Variants in ZNF385B observed in about 807,000 individuals in gnomAD.
ZNF385B encodes zinc finger protein 533.
Under a neutral mutation model 39.2 loss-of-function variants are expected in ZNF385B, and 23 were observed. The observed-to-expected ratio is 0.59, with a 90% CI of 0.42 to 0.83. ZNF385B has a LOEUF of 0.83. Ranked by LOEUF, ZNF385B falls within the 40% of genes least tolerant of loss-of-function variation. The probability of loss-of-function intolerance (pLI) is 0.00; values close to 1 mark genes in which losing one functional copy is unlikely to be tolerated. For synonymous variants in ZNF385B, 205 were observed against 222.6 expected (o/e 0.92, Z 0.70); for missense variants, 552 against 598.9 (o/e 0.92, Z 0.82).
At position 179,782,044 on chromosome 2, in the gene ZNF385B, C is replaced by T. The variant is rs1039888742; in HGVS notation, c.-154-11372G>A. 2.0e-5 allele frequency among the ~76,000 whole-genome samples: 3 copies of T among 152,022 alleles called. No homozygotes were observed. In the East Asian group the frequency reaches 5.8e-4, roughly 29 times the overall value. ...GCACATACACAGAAAAGGAAACTTT[C>T]AGGACAATATCCTTGGTGAACATTG... On this transcript the variant is annotated intron_variant, in intron 1 of 9. Transcript: ENST00000410066.
intron 4 of ZNF385B, among the ~76,000 whole-genome samples, chr2:179,527,984 A>AT (rs140230638): frequency 0.21 from 32,620 of 151,948 alleles, 4,053 homozygotes; most frequent in East Asian, 0.38. Flanking sequence ...ATATTTTACC[A>AT]GGAAAATTTT....
intron 6 of ZNF385B, among the ~76,000 whole-genome samples, chr2:179,455,292 C>T (rs762853434): frequency 7.2e-5 from 11 of 151,942 alleles, no homozygotes; most frequent in South Asian, 2.1e-4. Flanking sequence ...GTGTCCCCAC[C>T]GAGATCTCAT....
intron 3 of ZNF385B, among the ~76,000 whole-genome samples, chr2:179,750,510 C>A (rs1702609508): frequency 6.6e-6 from 1 of 152,088 alleles, no homozygotes; most frequent in Non-Finnish European, 1.5e-5. Context: ...AAGTGAGAGA[C>A]AATTCCTGAG....
intron 3 of ZNF385B, among the ~76,000 whole-genome samples, chr2:179,652,373 T>C (rs927868155): frequency 6.6e-6 from 1 of 152,194 alleles, no homozygotes; most frequent in African/African-American, 2.4e-5. Context: ...GTTAACACTG[T>C]GACTGAATTG....
At chr2:179,584,025 T>G in intron 3 of ZNF385B, 1 of 1,026,310 alleles carries the variant, frequency 9.7e-7, no homozygotes, top group South Asian at 1.3e-5. Flanking sequence ...GTACACATTG[T>G]TGAAGAAGAC....
chr2:179,767,090 G>A (rs1303698906), intron 3 of ZNF385B, among the ~76,000 whole-genome samples: 1 of 152,218 alleles, frequency 6.6e-6, no homozygotes, highest in East Asian at 1.9e-4. Context: ...CTAACACAGT[G>A]TGGAAGAAAG....
chr2:179,806,250 T>A (rs1392921476), intron 1 of ZNF385B, among the ~76,000 whole-genome samples: 1 of 152,188 alleles, frequency 6.6e-6, no homozygotes, highest in Non-Finnish European at 1.5e-5. Flanking sequence ...ATGTACAAGA[T>A]GATAAACAAG....
chr2:179,819,034 T>TACAC lies in ZNF385B; in HGVS notation c.-155+42063_-155+42066dup, dbSNP rs10556902. The stretch of plus-strand genomic sequence containing the variant: ...GTATAAATATGTGCATGTTTATAAA[T>TACAC]ACACACACACACACACACACACACA... On this transcript the variant is annotated intron_variant, in intron 1 of 9. Transcript: ENST00000410066. Among the ~76,000 whole-genome samples the TACAC allele has an allele frequency of 7.8e-3, 1,153 of 148,172 alleles. 5 individuals carry two copies. Among genetic ancestry groups the TACAC allele is most frequent in the African/African-American group, 0.014 (572 of 40,078 alleles).
At chr2:179,727,781 A>C (rs2106419551) in intron 3 of ZNF385B, among the ~76,000 whole-genome samples, 1 of 152,222 alleles carries the variant, frequency 6.6e-6, no homozygotes, top group Middle Eastern at 3.4e-3. Context: ...AGTGCATCAA[A>C]AGATACCATA....
In ZNF385B at chr2:179,702,273, T is replaced by A. The variant is rs550437420; in HGVS notation, c.298+67230A>T. Among the ~76,000 whole-genome samples, 7 of 152,338 alleles carry A rather than the reference T, an allele frequency of 4.6e-5. No homozygotes were observed. In the South Asian group the frequency reaches 1.4e-3, roughly 32 times the overall value. On this transcript the variant is annotated intron_variant, in intron 3 of 9. Coordinates refer to ENST00000410066, the MANE Select transcript of ZNF385B (RefSeq NM_152520.6). ...TAAAATACATGCTAGTGAAAATCTA[T>A]TAATATTACTCTGTATTTTAAAACT...
chr2:179,733,656 G>T (rs955503559), intron 3 of ZNF385B, among the ~76,000 whole-genome samples: 8 of 152,008 alleles, frequency 5.3e-5, no homozygotes, highest in African/African-American at 1.9e-4. Flanking sequence ...GGTGGCGGGT[G>T]CCTGTAGTCC....
At chr2:179,860,939 C>A in intron 1 of ZNF385B, 162 bp downstream of exon 1, 1 of 171,748 alleles carries the variant, frequency 5.8e-6, no homozygotes, top group Non-Finnish European at 1.4e-5. Flanking sequence ...ACAAGTGGGA[C>A]CTTGAGACAA....
chr2:179,725,601 T>C (rs1041120439), intron 3 of ZNF385B, among the ~76,000 whole-genome samples: 1 of 151,488 alleles, frequency 6.6e-6, no homozygotes, highest in African/African-American at 2.4e-5. Context: ...TAATGTTCTG[T>C]ATTTCTCTAG....
chr2:179,767,851 T>C (rs1175154833), intron 3 of ZNF385B, among the ~76,000 whole-genome samples: 3 of 151,212 alleles, frequency 2.0e-5, no homozygotes, highest in Non-Finnish European at 4.4e-5. Flanking sequence ...AATTCAAACT[T>C]TTACTCAGGC....
At chr2:179,524,031 C>A (rs1345319545) in intron 4 of ZNF385B, among the ~76,000 whole-genome samples, 1 of 152,016 alleles carries the variant, frequency 6.6e-6, no homozygotes, top group East Asian at 1.9e-4. Context: ...CTTCTGGCCT[C>A]ATGTGATCCT....
intron 3 of ZNF385B, among the ~76,000 whole-genome samples, chr2:179,763,958 T>C (rs769568056): frequency 6.6e-6 from 1 of 152,214 alleles, no homozygotes; most frequent in Non-Finnish European, 1.5e-5. Flanking sequence ...AGTAGAGGTC[T>C]ATATAAATTA....
chr2:179,693,303 C>G (rs2106347876), intron 3 of ZNF385B, among the ~76,000 whole-genome samples: 1 of 152,284 alleles, frequency 6.6e-6, no homozygotes, highest in African/African-American at 2.4e-5. Flanking sequence ...GTGAGTTATA[C>G]TCTTTTAGTT....
intron 3 of ZNF385B, among the ~76,000 whole-genome samples, chr2:179,690,179 G>A (rs1698247745): frequency 6.6e-6 from 1 of 152,158 alleles, no homozygotes; most frequent in African/African-American, 2.4e-5. Flanking sequence ...AGAAAATGCA[G>A]AGGGAGTGTG....
rs1466672965 is a variant in ZNF385B, at chr2:179,746,050, T to G, written c.298+23453A>C. On this transcript the variant is annotated intron_variant, in intron 3 of 9. Transcript: ENST00000410066. ...GCTGAAACCAGAAGCACTGTCAATG[T>G]ACAAGTCTGAGGTGGATTTATGCTG... 3 of 1,064,188 alleles carry G rather than the reference T, an allele frequency of 2.8e-6. No homozygotes were observed. In the South Asian group the frequency reaches 1.4e-4, roughly 48 times the overall value. 65.9% of individuals were successfully genotyped at this position (1,064,188 alleles called of 1,614,324 possible). A position where few individuals can be genotyped will look rare whatever the true frequency, so the allele number is the denominator to read the frequency against.
Sources: allele counts gnomAD v4.1 joint callset (sites outside exome capture counted in the v4.1 genomes callset), GRCh38; gene constraint gnomAD v4.1.1; transcripts MANE v1.5; gene names NCBI Gene and HGNC (gene_info 2026-07-23, HGNC 2026-07-21).